Variants in EPB41L5 observed in about 807,000 individuals in gnomAD.
EPB41L5 encodes the protein erythrocyte membrane protein band 4.1 like 5, also known as band 4.1-like protein 5.
A neutral mutation model predicts 106.6 loss-of-function variants in EPB41L5; 55 were observed. The ratio of observed to expected loss-of-function variants is 0.52; its 90% CI spans 0.42 to 0.65. EPB41L5 has a LOEUF of 0.65. EPB41L5 is among the 30% of genes least tolerant of loss of function. The pLI is 0.00. For missense variants in EPB41L5, 871 were observed against 882.1 expected (o/e 0.99, Z 0.16); for synonymous variants, 297 against 306.7 (o/e 0.97, Z 0.33).
intron 3 of EPB41L5, among the ~76,000 whole-genome samples, chr2:120,070,324 T>C (rs578159571): frequency 1.3e-5 from 2 of 152,186 alleles, no homozygotes; most frequent in East Asian, 3.9e-4. Context: ...AGTTCTGAAA[T>C]TGAGGCAGTA....
In EPB41L5 at chr2:120,090,483, G is replaced by A; in HGVS notation, c.1010G>A (p.Gly337Glu). Residue 337 changes from glycine (G) to glutamate (E), a missense_variant, in exon 12 of 25, where the codon GGA becomes GAA. By Grantham distance (98) the Gly-to-Glu change is moderately conservative. Transcript: ENST00000263713. ...GPVQKSSHRS[G>E]FIRLGSRFRY... is the part of the protein sequence containing the mutation. ...GTCCAAAAGAGTTCTCATCGATCAG[G>A]ATTTATTCGACTAGGATCACGATTT... 1 of 1,613,220 alleles carries A rather than the reference G, an allele frequency of 6.2e-7. No individual in the cohort carries two copies. Among genetic ancestry groups the A allele is most frequent in the South Asian group, 1.1e-5 (1 of 90,916 alleles).
intron 2 of EPB41L5, among the ~76,000 whole-genome samples, chr2:120,041,479 T>C (rs1679400674): frequency 6.6e-6 from 1 of 152,174 alleles, no homozygotes; most frequent in Admixed American, 6.5e-5. Flanking sequence ...TATGCTCTCA[T>C]ATTCCCCGCA....
At chr2:120,014,239 C>CT (rs1015477761) in intron 1 of EPB41L5, among the ~76,000 whole-genome samples, 2 of 152,082 alleles carry the variant, frequency 1.3e-5, no homozygotes, top group African/African-American at 4.8e-5. Context: ...GTTTTGGGTA[C>CT]TTTTTTTAAC....
At position 120,178,135 on chromosome 2, in the gene EPB41L5, C is replaced by T. The variant is rs966470249; in HGVS notation, c.*3228C>T. Reference sequence around the variant, plus strand: ...CAGCTCTGCTGGCGCAGTACAGCAGCAGCAGCCCCAGCACAGCTGTGTTCC... The same window carrying T: ...CAGCTCTGCTGGCGCAGTACAGCAGTAGCAGCCCCAGCACAGCTGTGTTCC... On this transcript the variant is annotated 3_prime_UTR_variant, in exon 25 of 25. Transcript: ENST00000263713. The T allele has an allele frequency of 1.3e-5, 2 of 152,552 alleles. No individual in the cohort carries two copies. The highest frequency in any genetic ancestry group is 2.9e-5 in the Non-Finnish European group (2 of 68,102). 9.4% of individuals were successfully genotyped at this position (152,552 alleles called of 1,614,324 possible). A position where few individuals can be genotyped will look rare whatever the true frequency, so the allele number is the denominator to read the frequency against.
At chr2:120,013,474 G>A (rs1677283810) in intron 1 of EPB41L5, 1 of 152,144 alleles carries the variant, frequency 6.6e-6, no homozygotes, top group African/African-American at 2.4e-5. Context: ...CGGAGGGCCC[G>A]GGGCAGCCGG....
intron 16 of EPB41L5, chr2:120,104,268 C>T: frequency 6.6e-7 from 1 of 1,522,654 alleles, no homozygotes; most frequent in Non-Finnish European, 8.8e-7. Flanking sequence ...CTTTGGGACT[C>T]TTTGTCATGC....
rs189330597 is a variant in EPB41L5 at position 120,111,971 on chromosome 2, C to T, written c.1337+11157C>T. Among the ~76,000 whole-genome samples, 240 of 152,254 alleles carry T rather than the reference C, an allele frequency of 1.6e-3. 1 individual carries two copies. The highest frequency in any genetic ancestry group is 2.6e-3 in the Non-Finnish European group (176 of 68,012). ...CAGGATCTTTGTACTTTTACTGCTT[C>T]CTGAGTATTCCTCCCTTCAATCTCT... On this transcript the variant is annotated intron_variant, in intron 16 of 24. Coordinates refer to ENST00000263713, the MANE Select transcript of EPB41L5 (RefSeq NM_020909.4).
At chr2:120,122,510 C>G (rs1323138011) in intron 16 of EPB41L5, among the ~76,000 whole-genome samples, 6 of 152,034 alleles carry the variant, frequency 3.9e-5, no homozygotes, top group South Asian at 2.1e-4. Flanking sequence ...ATTTCTGAGG[C>G]CTCTGTTCTG....
At chr2:120,098,191 TTG>T (rs1683892868) in intron 14 of EPB41L5, among the ~76,000 whole-genome samples, 8 of 151,070 alleles carry the variant, frequency 5.3e-5, no homozygotes, top group East Asian at 3.9e-4. Flanking sequence ...TGTGTGTGTT[TTG>T]GTGGGGTGGG....
At chr2:120,063,688 G>A (rs1681240636) in intron 3 of EPB41L5, among the ~76,000 whole-genome samples, 1 of 152,330 alleles carries the variant, frequency 6.6e-6, no homozygotes, top group South Asian at 2.1e-4. Context: ...GCTCACGCCT[G>A]TAATCCCAAT....
chr2:120,048,269 G>A (rs1313811223), intron 3 of EPB41L5, among the ~76,000 whole-genome samples: 1 of 152,150 alleles, frequency 6.6e-6, no homozygotes, highest in Non-Finnish European at 1.5e-5. Context: ...GTAGAATTCG[G>A]CTGTGAATCC....
rs1303406187 is a variant in EPB41L5 at position 120,146,858 on chromosome 2, C to T, written c.1793+569C>T. 2.6e-5 allele frequency among the ~76,000 whole-genome samples: 4 copies of T among 152,104 alleles called. No individual in the cohort carries two copies. The East Asian group carries it at 7.7e-4, about 29-fold the overall frequency. On this transcript the variant is annotated intron_variant, in intron 20 of 24. Coordinates refer to ENST00000263713, the MANE Select transcript of EPB41L5 (RefSeq NM_020909.4). ...AATGTTGAGCAAATAAATGCTGTTT[C>T]TTTTTTTACTGTTCAAAACTGATTC...
intron 11 of EPB41L5, 147 bp downstream of exon 11, chr2:120,087,387 C>CTT (rs2105357335): frequency 2.0e-6 from 1 of 506,570 alleles, no homozygotes; most frequent in East Asian, 3.2e-5. Context: ...AATTTCCTTA[C>CTT]TTGGGTCATA....
At chr2:120,081,812 A>G (rs1682689741) in intron 10 of EPB41L5, among the ~76,000 whole-genome samples, 1 of 152,124 alleles carries the variant, frequency 6.6e-6, no homozygotes, top group Non-Finnish European at 1.5e-5. Context: ...TCCTCCTTGA[A>G]GAGGTCCTTC....
intron 16 of EPB41L5, among the ~76,000 whole-genome samples, chr2:120,119,123 A>G (rs1191726205): frequency 6.6e-6 from 1 of 151,890 alleles, no homozygotes; most frequent in African/African-American, 2.4e-5. Context: ...TGTTGGCCGC[A>G]TGTATGTCTT....
chr2:120,054,638 A>G (rs192366217), intron 3 of EPB41L5, among the ~76,000 whole-genome samples: 15 of 152,014 alleles, frequency 9.9e-5, no homozygotes, highest in Admixed American at 7.9e-4. Flanking sequence ...AGTACCTGGG[A>G]CAACAGGCAT....
intron 20 of EPB41L5, among the ~76,000 whole-genome samples, chr2:120,147,984 A>C (rs1387679044): frequency 6.6e-6 from 1 of 152,094 alleles, no homozygotes; most frequent in Non-Finnish European, 1.5e-5. Context: ...CCCATGCTAT[A>C]CAACACTGTT....
intron 3 of EPB41L5, among the ~76,000 whole-genome samples, chr2:120,060,662 C>T (rs113923534): frequency 6.6e-6 from 1 of 152,072 alleles, no homozygotes; most frequent in African/African-American, 2.4e-5. Flanking sequence ...GAGAGTTCTT[C>T]GTGATAATGG....
At chr2:120,041,122 T>C (rs1290293071) in intron 2 of EPB41L5, among the ~76,000 whole-genome samples, 1 of 152,178 alleles carries the variant, frequency 6.6e-6, no homozygotes, top group Non-Finnish European at 1.5e-5. Context: ...CATACCCCTT[T>C]TATGTTAACG....
Sources: allele counts gnomAD v4.1 joint callset (sites outside exome capture counted in the v4.1 genomes callset), GRCh38; gene constraint gnomAD v4.1.1; transcripts MANE v1.5; gene names NCBI Gene and HGNC (gene_info 2026-07-23, HGNC 2026-07-21).